CNTNAP2: variants seen among roughly 807,000 people sequenced by gnomAD.
CNTNAP2 encodes the protein contactin-associated protein-like 2.
CNTNAP2 carries 98 observed loss-of-function variants against 155.2 expected under a neutral mutation model. The ratio of observed to expected loss-of-function variants is 0.63; its 90% confidence interval spans 0.54 to 0.75. CNTNAP2 has a LOEUF of 0.75. CNTNAP2 is among the 30% of genes least tolerant of loss of function. The pLI is 0.00. For synonymous variants in CNTNAP2, 651 were observed against 631.2 expected (o/e 1.03, Z -0.47); for missense variants, 1,727 against 1,688.1 (o/e 1.02, Z -0.40).
intron 3 of CNTNAP2, among the ~76,000 whole-genome samples, chr7:146,863,784 T>A (rs1795149645): frequency 6.6e-6 from 1 of 152,092 alleles, no homozygotes; most frequent in South Asian, 2.1e-4. Context: ...AAATACTTGC[T>A]AGCATGTCCT....
At chr7:148,225,799 C>T (rs995252541) in intron 19 of CNTNAP2, among the ~76,000 whole-genome samples, 1 of 152,158 alleles carries the variant, frequency 6.6e-6, no homozygotes, top group Non-Finnish European at 1.5e-5. Context: ...GCCAAGAAGA[C>T]TTGGTGTCAG....
intron 8 of CNTNAP2, chr7:147,162,032 C>G (rs1802036614): frequency 6.6e-6 from 1 of 152,128 alleles, no homozygotes. Flanking sequence ...TTAAACAGAT[C>G]AACAACAAAA....
intron 13 of CNTNAP2, among the ~76,000 whole-genome samples, chr7:147,860,625 GCT>G (rs886549058): frequency 1.3e-5 from 2 of 148,750 alleles, no homozygotes. Context: ...TTTCCTCCTT[GCT>G]CTCTCTCTCT....
chr7:148,121,678 GC>G (rs1804598003), intron 16 of CNTNAP2, among the ~76,000 whole-genome samples: 1 of 152,020 alleles, frequency 6.6e-6, no homozygotes, highest in African/African-American at 2.4e-5. Flanking sequence ...ATTACATTGT[GC>G]CCTTCTGTCA....
chr7:148,290,879 A>G (rs1190824003), intron 21 of CNTNAP2, among the ~76,000 whole-genome samples: 1 of 152,170 alleles, frequency 6.6e-6, no homozygotes, highest in Non-Finnish European at 1.5e-5. Flanking sequence ...AAGTACAGAG[A>G]GCTTTTTCCA....
intron 9 of CNTNAP2, among the ~76,000 whole-genome samples, chr7:147,330,705 C>T (rs1795544834): frequency 6.6e-6 from 1 of 152,288 alleles, no homozygotes; most frequent in Admixed American, 6.5e-5. Flanking sequence ...AACAGTTTTA[C>T]TAGTTGTACA....
At chr7:146,309,826 A>AG (rs1800787890) in intron 1 of CNTNAP2, among the ~76,000 whole-genome samples, 1 of 147,940 alleles carries the variant, frequency 6.8e-6, no homozygotes, top group African/African-American at 2.7e-5. Context: ...GAAAGAAGAA[A>AG]GGAAAGGAAG....
intron 1 of CNTNAP2, among the ~76,000 whole-genome samples, chr7:146,181,206 C>T (rs1482804170): frequency 6.6e-6 from 1 of 152,080 alleles, no homozygotes; most frequent in Non-Finnish European, 1.5e-5. Context: ...CCATGATATG[C>T]ATGATTCACT....
At chr7:146,767,238 A>G (rs1168768734) in intron 1 of CNTNAP2, among the ~76,000 whole-genome samples, 1 of 152,158 alleles carries the variant, frequency 6.6e-6, no homozygotes, top group Admixed American at 6.6e-5. Flanking sequence ...TTCTGTGCAA[A>G]GTTAGTTGCT....
At chr7:147,864,977 A>G (rs1359731675) in intron 13 of CNTNAP2, among the ~76,000 whole-genome samples, 2 of 152,172 alleles carry the variant, frequency 1.3e-5, no homozygotes, top group African/African-American at 4.8e-5. Flanking sequence ...AATAGGAGTG[A>G]TGAGAGAAGA....
intron 1 of CNTNAP2, among the ~76,000 whole-genome samples, chr7:146,497,492 A>G (rs1797235957): frequency 6.6e-6 from 1 of 152,022 alleles, no homozygotes; most frequent in African/African-American, 2.4e-5. Flanking sequence ...GAGTTCAATG[A>G]TTTTAGCCAA....
At chr7:147,784,492 CTA>C (rs1425652424) in intron 13 of CNTNAP2, among the ~76,000 whole-genome samples, 2 of 51,702 alleles carry the variant, frequency 3.9e-5, no homozygotes, top group African/African-American at 1.4e-4. Context: ...GGGCTCTGGA[CTA>C]ATATATATAT....
intron 10 of CNTNAP2, among the ~76,000 whole-genome samples, chr7:147,428,045 T>C (rs1338867938): frequency 1.3e-5 from 2 of 152,318 alleles, no homozygotes; most frequent in East Asian, 3.9e-4. Context: ...TTGCAAAGAA[T>C]AGTACAAATA....
rs578169074 is a variant in CNTNAP2 at position 147,113,748 on chromosome 7, A to G, written c.754+5398A>G. 9.2e-5 allele frequency among the ~76,000 whole-genome samples: 14 copies of G among 152,192 alleles called. No homozygotes were observed. The South Asian group carries it at 2.9e-3, about 32-fold the overall frequency. ...GGGTGGGAACACAGAGCCAGATCAT[A>G]TCAACCAGCTCCAGGATTTATTGAT... On this transcript the variant is annotated intron_variant, in intron 5 of 23. Coordinates refer to ENST00000361727, the MANE Select transcript of CNTNAP2 (RefSeq NM_014141.6).
intron 8 of CNTNAP2, among the ~76,000 whole-genome samples, chr7:147,137,011 A>G (rs995621295): frequency 2.2e-4 from 33 of 151,920 alleles, no homozygotes; most frequent in Non-Finnish European, 7.4e-5. Context: ...ATTCAAGTTT[A>G]AACCATATTT....
At chr7:147,985,291 G>C (rs1306307387) in intron 15 of CNTNAP2, among the ~76,000 whole-genome samples, 1 of 151,666 alleles carries the variant, frequency 6.6e-6, no homozygotes, top group African/African-American at 2.4e-5. Context: ...GGGGTGGGGG[G>C]TGGGGAGTGG....
chr7:146,121,498 T>C (rs1797562825), intron 1 of CNTNAP2, among the ~76,000 whole-genome samples: 2 of 152,180 alleles, frequency 1.3e-5, no homozygotes, highest in Admixed American at 6.5e-5. Context: ...CTTGTGCAAG[T>C]TGTCTGTTTA....
intron 13 of CNTNAP2, among the ~76,000 whole-genome samples, chr7:147,719,410 G>C (rs1038699429): frequency 2.0e-5 from 3 of 151,980 alleles, no homozygotes; most frequent in African/African-American, 7.3e-5. Flanking sequence ...TTCTAATCTG[G>C]CTGGTATTTT....
At chr7:146,511,531 A>T (rs537939466) in intron 1 of CNTNAP2, among the ~76,000 whole-genome samples, 1 of 152,202 alleles carries the variant, frequency 6.6e-6, no homozygotes. Context: ...TTTAGCATCT[A>T]TGGAAATAAA....
Sources: allele counts gnomAD v4.1 joint callset (sites outside exome capture counted in the v4.1 genomes callset), GRCh38; gene constraint gnomAD v4.1.1; transcripts MANE v1.5; gene names NCBI Gene and HGNC (gene_info 2026-07-23, HGNC 2026-07-21).